Variants in ADCY3 observed in about 807,000 individuals in gnomAD.
ADCY3 encodes the protein adenylate cyclase type 3.
Under a neutral mutation model 119.4 loss-of-function variants are expected in ADCY3, and 70 were observed. The observed-to-expected ratio is 0.59, with a 90% CI of 0.48 to 0.72. The LOEUF is 0.72. Ranked by LOEUF, ADCY3 falls within the 30% of genes least tolerant of loss-of-function variation. The pLI, the probability that ADCY3 is intolerant of heterozygous loss-of-function variation, is 0.00. For synonymous variants in ADCY3, 672 were observed against 621.4 expected (o/e 1.08, Z -1.21); for missense variants, 1,238 against 1,541.6 (o/e 0.80, Z 3.30).
chr2:24,891,165 G>A (rs72848431), intron 2 of ADCY3, among the ~76,000 whole-genome samples: 14 of 152,052 alleles, frequency 9.2e-5, no homozygotes, highest in Admixed American at 4.6e-4. Flanking sequence ...CACTGCGCCC[G>A]GCCTAGACCT....
intron 3 of ADCY3, among the ~76,000 whole-genome samples, chr2:24,851,567 G>A (rs1423606646): frequency 6.6e-6 from 1 of 152,200 alleles, no homozygotes; most frequent in South Asian, 2.1e-4. Context: ...CCTGGAATGG[G>A]TGAGTTTTTG....
chr2:24,832,401 C>T (rs1400938982), intron 11 of ADCY3, among the ~76,000 whole-genome samples: 1 of 152,124 alleles, frequency 6.6e-6, no homozygotes, highest in Non-Finnish European at 1.5e-5. Context: ...TCCCTCGCTG[C>T]CGGGGGCTAA....
chr2:24,820,870 C>T (rs369108612), intron 20 of ADCY3, 22 bp from the exon 21 acceptor site: 3 of 1,612,396 alleles, frequency 1.9e-6, no homozygotes, highest in Non-Finnish European at 2.5e-6. Context: ...GCATAAAGTT[C>T]AGCACAGCCA....
chr2:24,892,210 G>C (rs576097708), intron 2 of ADCY3, among the ~76,000 whole-genome samples: 12 of 151,026 alleles, frequency 7.9e-5, no homozygotes, highest in African/African-American at 2.9e-4. Flanking sequence ...TTTTGTCAGA[G>C]AATATACTTT....
At chr2:24,869,758 C>T (rs975007425) in intron 3 of ADCY3, among the ~76,000 whole-genome samples, 20 of 152,046 alleles carry the variant, frequency 1.3e-4, no homozygotes, top group Non-Finnish European at 2.9e-5. Context: ...AAGGAATAAC[C>T]CAAATTATCT....
intron 2 of ADCY3, among the ~76,000 whole-genome samples, chr2:24,875,271 CCT>C (rs1383806183): frequency 2.6e-5 from 4 of 152,226 alleles, no homozygotes; most frequent in Non-Finnish European, 4.4e-5. Flanking sequence ...GGCGCTGCCC[CCT>C]GTTCCATCCC....
At chr2:24,916,543 G>A (rs185420779) in intron 2 of ADCY3, among the ~76,000 whole-genome samples, 73 of 152,330 alleles carry the variant, frequency 4.8e-4, no homozygotes, top group Admixed American at 4.5e-3. Context: ...TTAGCCAGGC[G>A]TGGAGGCGCG....
In ADCY3 at chr2:24,902,584, A is replaced by G. The variant is rs563708237; in HGVS notation, c.675+15729T>C. Among the ~76,000 whole-genome samples, 364 of 152,152 alleles carry G rather than the reference A, an allele frequency of 2.4e-3. 2 individuals carry two copies. Among genetic ancestry groups the G allele is most frequent in the African/African-American group, 8.2e-3 (339 of 41,514 alleles). On this transcript the variant is annotated intron_variant, in intron 2 of 21. Transcript: ENST00000679454. ...TTGGCCCTTGAACAACAGGGTTTGAACCGCACAGGTCCACTTGCAGATTTT... is the reference window on the plus strand; with the variant it reads ...TTGGCCCTTGAACAACAGGGTTTGAGCCGCACAGGTCCACTTGCAGATTTT...
At chr2:24,887,742 G>A (rs1198865466) in intron 2 of ADCY3, among the ~76,000 whole-genome samples, 2 of 152,130 alleles carry the variant, frequency 1.3e-5, no homozygotes, top group African/African-American at 4.8e-5. Context: ...TCCATCATGG[G>A]CCTGGGCCTT....
chr2:24,873,612 C>G (rs1049170574), intron 2 of ADCY3, among the ~76,000 whole-genome samples: 2 of 152,246 alleles, frequency 1.3e-5, no homozygotes, highest in African/African-American at 4.8e-5. Flanking sequence ...CCCTGCCTGG[C>G]GGCCAGGCCT....
At chr2:24,870,835 C>T (rs1038438737) in intron 3 of ADCY3, among the ~76,000 whole-genome samples, 1 of 152,242 alleles carries the variant, frequency 6.6e-6, no homozygotes, top group African/African-American at 2.4e-5. Flanking sequence ...CTGGGTTTCT[C>T]ATTTGACCCT....
At chr2:24,889,603 G>A (rs2148925761) in intron 2 of ADCY3, among the ~76,000 whole-genome samples, 1 of 152,350 alleles carries the variant, frequency 6.6e-6, no homozygotes, top group South Asian at 2.1e-4. Context: ...TTGGGAGGCT[G>A]AGGCGAGTGG....
intron 2 of ADCY3, among the ~76,000 whole-genome samples, chr2:24,913,624 G>A (rs1052943811): frequency 1.3e-5 from 2 of 152,146 alleles, no homozygotes; most frequent in Admixed American, 1.3e-4. Flanking sequence ...GATTAAATGG[G>A]ATGAGGTGCA....
intron 3 of ADCY3, among the ~76,000 whole-genome samples, chr2:24,871,687 T>C (rs1675033657): frequency 1.3e-5 from 2 of 152,228 alleles, no homozygotes; most frequent in South Asian, 2.1e-4. Flanking sequence ...ACAGATGACA[T>C]GGTTCCCAGA....
intron 20 of ADCY3, 164 bp downstream of exon 20, chr2:24,821,353 C>T (rs549070428): frequency 1.6e-5 from 16 of 1,007,392 alleles, no homozygotes; most frequent in Admixed American, 7.3e-5. Flanking sequence ...CATCTAGAGT[C>T]GTCTGGACTA....
At chr2:24,827,442 G>A (rs1177082603) in intron 15 of ADCY3, 104 bp downstream of exon 15, 10 of 1,278,514 alleles carry the variant, frequency 7.8e-6, no homozygotes, top group Middle Eastern at 1.9e-4. Flanking sequence ...ATCAGGTCAC[G>A]TGCCTCCCGG....
rs529812973 is a variant in ADCY3, at chr2:24,839,222, G to A, written c.1356-600C>T. On this transcript the variant is annotated intron_variant, in intron 7 of 21. Coordinates refer to ENST00000679454, the MANE Select transcript of ADCY3 (RefSeq NM_004036.5). ...CTCCCAAAGTGCTGGGATTACAGGC[G>A]TGAGCCACAAGATCCAATTATCCCC... Among the ~76,000 whole-genome samples, 28 of 152,272 alleles carry A rather than the reference G, an allele frequency of 1.8e-4. No homozygotes were observed. In the South Asian group the frequency reaches 2.9e-3, roughly 16 times the overall value.
intron 2 of ADCY3, among the ~76,000 whole-genome samples, chr2:24,911,582 G>A (rs1386599904): frequency 1.3e-5 from 2 of 148,928 alleles, no homozygotes; most frequent in African/African-American, 2.5e-5. Context: ...CCTGGGAAGC[G>A]GAGGCTGCAG....
chr2:24,821,193 C>T (rs1667644310), intron 20 of ADCY3: 2 of 433,984 alleles, frequency 4.6e-6, no homozygotes, highest in Admixed American at 4.0e-5. Context: ...AAAGAGCAGG[C>T]CTGTCTGGGA....
Sources: gnomAD v4.1 joint callset for allele counts (sites outside exome capture counted in the v4.1 genomes callset) on GRCh38, gnomAD v4.1.1 for gene constraint, MANE v1.5 for transcripts, NCBI Gene and HGNC (gene_info 2026-07-23, HGNC 2026-07-21) for gene names.